CRACDL: variants seen among roughly 807,000 people sequenced by gnomAD.
CRACDL encodes the protein CRACD like.
In CRACDL, 26 loss-of-function variants were observed where a neutral mutation model predicts 70.6. The ratio of observed to expected loss-of-function variants is 0.37; its 90% CI spans 0.27 to 0.51. The LOEUF (loss-of-function observed/expected upper bound fraction) is 0.51, where lower values mean the gene tolerates loss of function less well. Ranked by LOEUF, CRACDL falls within the 20% of genes least tolerant of loss-of-function variation. The pLI is 0.94. For missense variants in CRACDL, 1,283 were observed against 1,376.9 expected (o/e 0.93, Z 1.08); for synonymous variants, 618 against 615.2 (o/e 1.00, Z -0.07).
intron 7 of CRACDL, among the ~76,000 whole-genome samples, chr2:98,808,890 C>T (rs544193558): frequency 6.6e-5 from 10 of 152,284 alleles, no homozygotes; most frequent in South Asian, 2.1e-4. Flanking sequence ...AGGGGATGGG[C>T]GGCACTGCTT....
intron 1 of CRACDL, among the ~76,000 whole-genome samples, chr2:98,891,523 G>A (rs1222596724): frequency 6.6e-6 from 1 of 151,826 alleles, no homozygotes; most frequent in African/African-American, 2.4e-5. Flanking sequence ...TAGTATTGAT[G>A]GTTCACAACC....
At chr2:98,849,953 G>A (rs1166345322) in intron 1 of CRACDL, among the ~76,000 whole-genome samples, 2 of 152,198 alleles carry the variant, frequency 1.3e-5, no homozygotes, top group Non-Finnish European at 2.9e-5. Context: ...ATAATCAAAT[G>A]AAACCAGGAC....
chr2:98,822,712 G>T lies in CRACDL; in HGVS notation c.1561C>A (p.Pro521Thr), dbSNP rs1191367779. Residue 521 changes from proline to threonine, a missense_variant, in exon 7 of 10, where the codon CCC (proline) becomes ACC (threonine). Pro to Thr is a conservative substitution (Grantham distance 38, BLOSUM62 -1). Around this residue, in one of 2 missense-constraint regions of CRACDL, gnomAD observed 921 missense variants for 881.9 expected, o/e 1.04. Coordinates refer to ENST00000397899, the MANE Select transcript of CRACDL (RefSeq NM_207362.3). The surrounding 1 kb of genome is among the most constrained non-coding windows in gnomAD (Gnocchi z 4.9). Reference sequence around the variant, plus strand: ...GAACCGGGGCCGGGCTCCACCGGGGGAGACTCCGCAGCGGCAAGCGGCGGG... The same window carrying T: ...GAACCGGGGCCGGGCTCCACCGGGGTAGACTCCGCAGCGGCAAGCGGCGGG... ...ASPPLAAAES[P>T]PVEPGPGSLD... is the part of the protein sequence containing the mutation. 1 of 1,263,884 alleles carries T rather than the reference G, an allele frequency of 7.9e-7. No individual in the cohort carries two copies. Among genetic ancestry groups the T allele is most frequent in the Non-Finnish European group, 9.9e-7 (1 of 1,008,440 alleles). The allele number at this position is 1,263,884 out of a possible 1,614,324, so 78.3% of individuals were successfully genotyped here.
At chr2:98,796,329 A>C in intron 8 of CRACDL, 65 bp from the exon 9 acceptor site, 1 of 1,525,024 alleles carries the variant, frequency 6.6e-7, no homozygotes, top group South Asian at 1.1e-5. Context: ...AACACATCCA[A>C]AGTGAAGGAG....
chr2:98,858,444 G>A (rs1160839533), intron 1 of CRACDL, among the ~76,000 whole-genome samples: 2 of 151,052 alleles, frequency 1.3e-5, no homozygotes, highest in African/African-American at 4.9e-5. Flanking sequence ...GAACCTGGGA[G>A]GTGGAAGTTG....
At chr2:98,824,081 C>G (rs1026955411) in intron 6 of CRACDL, among the ~76,000 whole-genome samples, 2 of 152,206 alleles carry the variant, frequency 1.3e-5, no homozygotes, top group African/African-American at 4.8e-5. Flanking sequence ...ATAGTAAAGC[C>G]AGACTGGTTT....
intron 1 of CRACDL, among the ~76,000 whole-genome samples, chr2:98,914,812 G>A (rs1013867652): frequency 6.6e-6 from 1 of 152,220 alleles, no homozygotes; most frequent in East Asian, 1.9e-4. Flanking sequence ...CCTCCAGAGG[G>A]AGTCCCTGGG....
chr2:98,898,194 T>C (rs1422231514), intron 1 of CRACDL, among the ~76,000 whole-genome samples: 1 of 152,234 alleles, frequency 6.6e-6, no homozygotes, highest in Non-Finnish European at 1.5e-5. Context: ...GGAATGTGAA[T>C]GTGAGGCTTA....
At chr2:98,806,362 T>C (rs998226009) in intron 7 of CRACDL, among the ~76,000 whole-genome samples, 3 of 152,266 alleles carry the variant, frequency 2.0e-5, no homozygotes, top group South Asian at 2.1e-4. Flanking sequence ...GCCATGTGTA[T>C]TGGGGGCACC....
chr2:98,896,545 G>A (rs544554156), intron 1 of CRACDL, among the ~76,000 whole-genome samples: 1 of 152,274 alleles, frequency 6.6e-6, no homozygotes, highest in South Asian at 2.1e-4. Context: ...ATGCAGCAGA[G>A]GAAACCAGAC....
intron 1 of CRACDL, among the ~76,000 whole-genome samples, chr2:98,854,891 T>C (rs1234744630): frequency 6.6e-6 from 1 of 152,198 alleles, no homozygotes; most frequent in Non-Finnish European, 1.5e-5. Context: ...TAAAAGCCAT[T>C]ACTGGGACAA....
chr2:98,847,269 A>G (rs1284825257), intron 1 of CRACDL, among the ~76,000 whole-genome samples: 2 of 152,212 alleles, frequency 1.3e-5, no homozygotes, highest in African/African-American at 2.4e-5. Flanking sequence ...CACACATATC[A>G]TATTAGGAAG....
chr2:98,821,679 C>T (rs1705033977), intron 7 of CRACDL, among the ~76,000 whole-genome samples, 178 bp downstream of exon 7: 1 of 152,234 alleles, frequency 6.6e-6, no homozygotes, highest in Admixed American at 6.5e-5. Flanking sequence ...GGGCCCAGGC[C>T]GCGAGTTGGA....
At chr2:98,846,543 G>A (rs901289731) in intron 2 of CRACDL, among the ~76,000 whole-genome samples, 188 bp downstream of exon 2, 20 of 152,142 alleles carry the variant, frequency 1.3e-4, no homozygotes, top group East Asian at 3.8e-4. Flanking sequence ...AATCTGCCCC[G>A]AGCAGCCTTA....
chr2:98,869,036 C>G, intron 1 of CRACDL: 2 of 1,261,960 alleles, frequency 1.6e-6, no homozygotes, highest in Non-Finnish European at 2.1e-6. Flanking sequence ...TCCCCTCCCT[C>G]GCGACTCTCC....
At chr2:98,847,171 C>T (rs1315605883) in intron 1 of CRACDL, among the ~76,000 whole-genome samples, 2 of 152,168 alleles carry the variant, frequency 1.3e-5, no homozygotes, top group African/African-American at 4.8e-5. Flanking sequence ...GAATGAAAAT[C>T]ACCCATAATC....
In CRACDL at chr2:98,839,457, C is replaced by T. The variant is rs549008535; in HGVS notation, c.71-1170G>A. Among the ~76,000 whole-genome samples, 9 of 152,366 alleles carry T rather than the reference C, an allele frequency of 5.9e-5. 1 individual carries two copies. In the South Asian group the frequency reaches 1.9e-3, roughly 32 times the overall value. On this transcript the variant is annotated intron_variant, in intron 2 of 9. Transcript: ENST00000397899. Reference sequence around the variant, plus strand: ...AAGAGTTTTCTGCATTTGGTCAGGACACCCTGTGGCTTTTGCCTAGTCAAC... The same window carrying T: ...AAGAGTTTTCTGCATTTGGTCAGGATACCCTGTGGCTTTTGCCTAGTCAAC...
chr2:98,809,411 G>A (rs1195762609), intron 7 of CRACDL, among the ~76,000 whole-genome samples: 1 of 152,044 alleles, frequency 6.6e-6, no homozygotes, highest in Non-Finnish European at 1.5e-5. Flanking sequence ...GGGTCATGTG[G>A]TGGTCCTGTC....
chr2:98,810,243 C>T (rs1203751298), intron 7 of CRACDL, among the ~76,000 whole-genome samples: 1 of 152,112 alleles, frequency 6.6e-6, no homozygotes, highest in Non-Finnish European at 1.5e-5. Context: ...TGCCAGGGAG[C>T]TGGTATCAGG....
Sources: gnomAD v4.1 joint callset for allele counts (sites outside exome capture counted in the v4.1 genomes callset) on GRCh38, gnomAD v4.1.1 for gene constraint, gnomAD v4.1.1 regional missense constraint, Gnocchi (gnomAD v3.1) non-coding constraint, MANE v1.5 for transcripts, NCBI Gene and HGNC (gene_info 2026-07-23, HGNC 2026-07-21) for gene names.